The following RHOBTB2 variants were observed in gnomAD, a reference collection of about 807,000 sequenced individuals.
RHOBTB2 encodes the protein rho-related BTB domain-containing protein 2.
In RHOBTB2, 39 loss-of-function variants were observed where a neutral mutation model predicts 66.5. That is an observed-to-expected ratio of 0.59 (90% CI 0.45 to 0.77). The LOEUF is 0.77. RHOBTB2 is among the 30% of genes least tolerant of loss of function. RHOBTB2 has a pLI of 0.00. For synonymous variants in RHOBTB2, 390 were observed against 395.0 expected (o/e 0.99, Z 0.15); for missense variants, 755 against 999.1 (o/e 0.76, Z 3.29).
chr8:23,014,516 C>T (rs562647199), intron 7 of RHOBTB2, among the ~76,000 whole-genome samples, 174 bp from the exon 8 acceptor site: 45 of 152,338 alleles, frequency 3.0e-4, no homozygotes, highest in Middle Eastern at 3.4e-3. Flanking sequence ...TTGCTGTCAT[C>T]CCTGGGGTCC....
chr8:22,984,495 T>G (rs929141217), upstream of RHOBTB2: 2 of 152,248 alleles, frequency 1.3e-5, no homozygotes, highest in Non-Finnish European at 2.9e-5. Flanking sequence ...TGTTGGTGAC[T>G]ATAGCAGAAG....
At chr8:22,978,296 C>G in the RHOBTB2 span, among the ~76,000 whole-genome samples, 1 of 151,598 alleles carries the variant, frequency 6.6e-6, no homozygotes, top group East Asian at 1.9e-4. Context: ...AAAAATACCC[C>G]AAAATACGGT....
chr8:22,950,871 C>T, the RHOBTB2 span, among the ~76,000 whole-genome samples: 4 of 152,202 alleles, frequency 2.6e-5, no homozygotes, highest in Non-Finnish European at 5.9e-5. Context: ...GAAGGGAACA[C>T]GGAGCCGCCA....
Position 23,004,476 on chromosome 8 carries a change from C to T in RHOBTB2, c.42C>T (p.Thr14=). Residue 14 remains threonine (T), a synonymous_variant, in exon 2 of 10, where the codon ACC becomes ACT. Coordinates refer to ENST00000251822, the MANE Select transcript of RHOBTB2 (RefSeq NM_015178.3). The surrounding 1 kb of genome is among the most constrained non-coding windows in gnomAD (Gnocchi z 6.4). ...ATTATGAAAGGCCAAACGTAGAGAC[C>T]ATCAAGTGCGTTGTGGTGGGGGACA... The part of the protein sequence containing the change: ...DMDYERPNVE[T]IKCVVVGDNA... 1 of 1,614,242 alleles carries T rather than the reference C, an allele frequency of 6.2e-7. No homozygotes were observed. Among genetic ancestry groups the T allele is most frequent in the Non-Finnish European group, 8.5e-7 (1 of 1,180,042 alleles).
In RHOBTB2 at chr8:23,005,368, C is replaced by G. The variant is rs951125887; in HGVS notation, c.193-4C>G. 5.6e-6 allele frequency: 9 copies of G among 1,611,412 alleles called. No homozygotes were observed. The highest frequency in any genetic ancestry group is 6.8e-6 in the Non-Finnish European group (8 of 1,177,852). On this transcript the variant is annotated splice_polypyrimidine_tract_variant and splice_region_variant and intron_variant, in intron 2 of 9. Transcript: ENST00000251822. ...CGAGTCCCACTCTTCCTCCCCGTCC[C>G]CAGGTGCTGGAACGCTCCCGAGACG...
intron 8 of RHOBTB2, 103 bp from the exon 9 acceptor site, chr8:23,015,535 G>A (rs1002303683): frequency 2.6e-5 from 19 of 741,238 alleles, no homozygotes; most frequent in Non-Finnish European, 3.9e-5. Context: ...GGGCCTCTGC[G>A]TGCCCTGCAC....
chr8:23,017,117 C>A lies in RHOBTB2; in HGVS notation c.1967-135C>A. On this transcript the variant is annotated intron_variant, in intron 9 of 9. Transcript: ENST00000251822. The surrounding 1 kb of genome is among the most constrained non-coding windows in gnomAD (Gnocchi z 5.3). ...TTTGCTTGCCTCGGAGGCTCATGTG[C>A]CGTGGGTCATGGGGATGTGCTGGGG... The A allele has an allele frequency of 8.8e-7, 1 of 1,140,438 alleles. No individual in the cohort carries two copies. Among genetic ancestry groups the A allele is most frequent in the Non-Finnish European group, 1.3e-6 (1 of 787,858 alleles). 70.6% of individuals were successfully genotyped at this position (1,140,438 alleles called of 1,614,324 possible).
intron 1 of RHOBTB2, among the ~76,000 whole-genome samples, chr8:23,000,779 A>G (rs546522774): frequency 6.6e-6 from 1 of 152,104 alleles, no homozygotes; most frequent in Admixed American, 6.5e-5. Context: ...TCTCCATTCA[A>G]TCCATCTCCC....
chr8:22,998,874 G>A (rs1810657396), upstream of RHOBTB2: 1 of 152,076 alleles, frequency 6.6e-6, no homozygotes, highest in Admixed American at 6.5e-5. Flanking sequence ...ACCCAAAGAA[G>A]GCTTAGGGAC....
chr8:23,007,007 G>A lies in RHOBTB2; in HGVS notation c.762G>A (p.Glu254=), dbSNP rs1217111721. The part of the protein sequence containing the change: ...VVPDPPSSSE[E]CPAHLLEDPL... ...CCGACCCTCCCTCCAGCAGCGAGGA[G>A]TGCCCCGCCCACCTCCTGGAGGACC... The change falls in exon 5 of 10, where the codon GAG becomes GAA. Residue 254 remains glutamate (E), a synonymous_variant. Transcript: ENST00000251822. The A allele has an allele frequency of 3.1e-6, 5 of 1,609,224 alleles. No individual in the cohort carries two copies. The highest frequency in any genetic ancestry group is 1.7e-5 in the Admixed American group (1 of 59,950).
At chr8:22,973,190 A>C in the RHOBTB2 span, among the ~76,000 whole-genome samples, 2 of 150,288 alleles carry the variant, frequency 1.3e-5, no homozygotes, top group African/African-American at 4.9e-5. Context: ...ATTTCCCTGA[A>C]CTCTAACCGC....
upstream of RHOBTB2, among the ~76,000 whole-genome samples, chr8:22,986,541 G>T (rs1003873364): frequency 5.3e-5 from 8 of 151,910 alleles, no homozygotes; most frequent in African/African-American, 1.9e-4. Flanking sequence ...TTACAGGCAT[G>T]AGCCACCACG....
the RHOBTB2 span, among the ~76,000 whole-genome samples, chr8:22,971,007 T>C: frequency 6.6e-6 from 1 of 152,060 alleles, no homozygotes; most frequent in African/African-American, 2.4e-5. Context: ...CCTTTCTACT[T>C]TATAGAGAAA....
At chr8:23,012,073 A>G (rs909584979) in intron 7 of RHOBTB2, among the ~76,000 whole-genome samples, 1 of 152,218 alleles carries the variant, frequency 6.6e-6, no homozygotes, top group Non-Finnish European at 1.5e-5. Flanking sequence ...AGAGGCATCT[A>G]AAGATCCCAG....
rs1400725416 is a variant in RHOBTB2, at chr8:23,004,650, T to A, written c.192+24T>A. ...AGGTAAGGCTGCAGGACTACCTGGC[T>A]GGGGGTCCACGCCATGAGTCTGGGC... On this transcript the variant is annotated intron_variant, in intron 2 of 9. Transcript: ENST00000251822. This position sits in a 1 kb window ranked among gnomAD's most constrained non-coding sequence, Gnocchi z 6.4. 1 of 1,596,318 alleles carries A rather than the reference T, an allele frequency of 6.3e-7. No individual in the cohort carries two copies. The highest frequency in any genetic ancestry group is 1.3e-5 in the African/African-American group (1 of 74,544).
chr8:23,002,321 T>C (rs1319704239), intron 1 of RHOBTB2, among the ~76,000 whole-genome samples: 1 of 152,194 alleles, frequency 6.6e-6, no homozygotes, highest in Admixed American at 6.5e-5. Context: ...TCAGGAACTG[T>C]CAAAGTGGGG....
chr8:22,980,571 A>T, the RHOBTB2 span, among the ~76,000 whole-genome samples: 4 of 152,204 alleles, frequency 2.6e-5, no homozygotes, highest in Non-Finnish European at 5.9e-5. Flanking sequence ...TATTTACCTT[A>T]CCAGTGTGAA....
In RHOBTB2 at chr8:23,020,141, T is replaced by G; in HGVS notation, c.*2672T>G. On this transcript the variant is annotated 3_prime_UTR_variant, in exon 10 of 10. Coordinates refer to ENST00000251822, the MANE Select transcript of RHOBTB2 (RefSeq NM_015178.3). ...GACAAAAACCACACCTCTTTTTATA[T>G]AAGGTTTCATATTTAATTTGGTCAT... 2.6e-6 allele frequency: 1 copy of G among 388,330 alleles called. No homozygotes were observed. The highest frequency in any genetic ancestry group is 5.1e-6 in the Non-Finnish European group (1 of 195,900). The allele number at this position is 388,330 out of a possible 1,614,324, so 24.1% of individuals were successfully genotyped here. A position where few individuals can be genotyped will look rare whatever the true frequency, so the allele number is the denominator to read the frequency against.
At chr8:22,995,883 G>A (rs1408360314), upstream of RHOBTB2, 3 of 1,551,582 alleles carry the variant, frequency 1.9e-6, no homozygotes, top group Admixed American at 5.9e-5. Flanking sequence ...TGAAAGCGCG[G>A]TTAGTAGCCT....
Sources: gnomAD v4.1 joint callset for allele counts (sites outside exome capture counted in the v4.1 genomes callset) on GRCh38, gnomAD v4.1.1 for gene constraint, Gnocchi (gnomAD v3.1) non-coding constraint, MANE v1.5 for transcripts, NCBI Gene and HGNC (gene_info 2026-07-23, HGNC 2026-07-21) for gene names.